Variants in RASL11A observed in about 807,000 individuals in gnomAD.
RASL11A encodes ras-like protein family member 11A.
In RASL11A, 14 loss-of-function variants were observed where a neutral mutation model predicts 17.1. The observed-to-expected ratio is 0.82, with a 90% CI of 0.54 to 1.28. The LOEUF (loss-of-function observed/expected upper bound fraction) is 1.28. Ranked by LOEUF, RASL11A falls within the 50% of genes most tolerant of loss-of-function variation. The pLI, the probability that RASL11A is intolerant of heterozygous loss-of-function variation, is 0.00. For synonymous variants in RASL11A, 146 were observed against 132.5 expected (o/e 1.10, Z -0.70); for missense variants, 283 against 312.3 (o/e 0.91, Z 0.71).
At position 27,274,774 on chromosome 13, in the gene RASL11A, C is replaced by A. The variant is rs997049185; in HGVS notation, c.*1280C>A. ...AAGGAGTCCCCCTCGAGGGCAGTAG[C>A]TGCATTTTATGATCCTGTCTTCCAA... On this transcript the variant is annotated 3_prime_UTR_variant, in exon 4 of 4. Coordinates refer to ENST00000241463, the MANE Select transcript of RASL11A (RefSeq NM_206827.2). 1.3e-5 allele frequency among the ~76,000 whole-genome samples: 2 copies of A among 152,200 alleles called. No homozygotes were observed. Among genetic ancestry groups the A allele is most frequent in the African/African-American group, 4.8e-5 (2 of 41,450 alleles).
rs41291670 is a variant in RASL11A at position 27,274,035 on chromosome 13, G to A, written c.*541G>A. Among the ~76,000 whole-genome samples the A allele has an allele frequency of 3.0e-3, 455 of 152,144 alleles. 2 individuals are homozygous for A. Among genetic ancestry groups the A allele is most frequent in the Non-Finnish European group, 5.2e-3 (355 of 67,996 alleles). ...AAGGGAAGGGGTACAATGCTAAAAC[G>A]TTACAAGCCATGAGTAACATTTATT... is the stretch of plus-strand genomic sequence containing the variant. On this transcript the variant is annotated 3_prime_UTR_variant, in exon 4 of 4. Transcript: ENST00000241463.
At chr13:27,272,524 C>G (rs886364501) in intron 3 of RASL11A, among the ~76,000 whole-genome samples, 2 of 152,162 alleles carry the variant, frequency 1.3e-5, no homozygotes, top group Non-Finnish European at 2.9e-5. Flanking sequence ...TAGAATGTAA[C>G]TTGTTTATTA....
Position 27,273,965 on chromosome 13 carries a change from A to ATGGGAC in RASL11A, c.*472_*477dup, listed in dbSNP as rs1882395790. Reference sequence around the variant, plus strand: ...TTTAATAACGGCAGGAGGTCTTTAAATGGGACACTGCCACCAGTCATGAAA... The same window carrying ATGGGAC: ...TTTAATAACGGCAGGAGGTCTTTAAATGGGACTGGGACACTGCCACCAGTCATGAAA... On this transcript the variant is annotated 3_prime_UTR_variant, in exon 4 of 4. Coordinates refer to ENST00000241463, the MANE Select transcript of RASL11A (RefSeq NM_206827.2). Among the ~76,000 whole-genome samples the ATGGGAC allele has an allele frequency of 6.6e-6, 1 of 152,050 alleles. No individual in the cohort carries two copies. The highest frequency in any genetic ancestry group is 2.1e-4 in the South Asian group (1 of 4,828).
At chr13:27,271,220 T>C in intron 1 of RASL11A, 152 bp downstream of exon 1, 2 of 1,450,142 alleles carry the variant, frequency 1.4e-6, no homozygotes, top group Non-Finnish European at 1.8e-6. Flanking sequence ...TCCCGGTCCG[T>C]CCCGGCCTGC....
rs753163681 is a variant in RASL11A, at chr13:27,273,096, C to T, written c.331C>T (p.Leu111=). 6.2e-7 allele frequency: 1 copy of T among 1,614,178 alleles called. No homozygotes were observed. The change falls in exon 4 of 4, where the codon CTG becomes TTG. Residue 111 remains leucine, a synonymous_variant. Coordinates refer to ENST00000241463, the MANE Select transcript of RASL11A (RefSeq NM_206827.2). The part of the protein sequence containing the change: ...KCVQWAEGFL[L]VYSITDYDSY... ...CGTGCAGTGGGCCGAGGGTTTTCTG[C>T]TGGTCTATTCCATCACAGACTATGA... is the stretch of plus-strand genomic sequence containing the variant.
At chr13:27,272,939 G>T in intron 3 of RASL11A, 88 bp from the exon 4 acceptor site, 1 of 1,027,012 alleles carries the variant, frequency 9.7e-7, no homozygotes, top group Non-Finnish European at 1.5e-6. Flanking sequence ...TTTTTCAAGT[G>T]TTTCTTCAAG....
At chr13:27,271,108 G>A in intron 1 of RASL11A, 40 bp downstream of exon 1, 1 of 1,536,642 alleles carries the variant, frequency 6.5e-7, no homozygotes, top group African/African-American at 1.4e-5. Flanking sequence ...TCGCTCCCCG[G>A]CTCCGGCCGC....
chr13:27,273,170 C>T lies in RASL11A; in HGVS notation c.405C>T (p.His135=). 3.7e-6 allele frequency: 6 copies of T among 1,614,222 alleles called. No individual in the cohort carries two copies. The highest frequency in any genetic ancestry group is 5.1e-6 in the Non-Finnish European group (6 of 1,180,048). Residue 135 remains histidine, a synonymous_variant, in exon 4 of 4, where the codon CAC becomes CAT. Transcript: ENST00000241463. ...TTTATCAGCACATCCGGAAGGTCCACCCTGACTCTAAAGCCCCTGTCATCA... is the reference window on the plus strand; with the variant it reads ...TTTATCAGCACATCCGGAAGGTCCATCCTGACTCTAAAGCCCCTGTCATCA... The part of the protein sequence containing the change: ...RPLYQHIRKV[H]PDSKAPVIIV...
At chr13:27,272,052 TAAAAC>T (rs540723786) in intron 3 of RASL11A, among the ~76,000 whole-genome samples, 34 of 152,130 alleles carry the variant, frequency 2.2e-4, no homozygotes, top group African/African-American at 7.0e-4. Flanking sequence ...AAAAAACGTT[TAAAAC>T]AAAACAAAAC....
chr13:27,271,049 C>CG lies in RASL11A; in HGVS notation c.107dup (p.Arg37ProfsTer21). 1.3e-6 allele frequency: 2 copies of CG among 1,577,968 alleles called. No individual in the cohort carries two copies. Among genetic ancestry groups the CG allele is most frequent in the Non-Finnish European group, 1.7e-6 (2 of 1,161,848 alleles). On this transcript the variant is annotated frameshift_variant, in exon 1 of 4. Coordinates refer to ENST00000241463, the MANE Select transcript of RASL11A (RefSeq NM_206827.2). LOFTEE classifies it high-confidence loss of function. ...ACATCAAACTGGCGGTGCTGGGCGC[C>CG]GGCCGCGTGGGCAAGAGCGGTGAGT...
In RASL11A at chr13:27,271,030, A is replaced by G; in HGVS notation, c.86A>G (p.Lys29Arg). Residue 29 changes from lysine (K) to arginine (R), a missense_variant, in exon 1 of 4, where the codon AAA (lysine) becomes AGA (arginine). Lys to Arg is a conservative substitution (Grantham distance 26, BLOSUM62 2). Coordinates refer to ENST00000241463, the MANE Select transcript of RASL11A (RefSeq NM_206827.2). ...SSDYLLPKDI[K>R]LAVLGAGRVG... Reference sequence around the variant, plus strand: ...GACTACCTACTGCCCAAGGACATCAAACTGGCGGTGCTGGGCGCCGGCCGC... The same window carrying G: ...GACTACCTACTGCCCAAGGACATCAGACTGGCGGTGCTGGGCGCCGGCCGC... 2 of 1,587,520 alleles carry G rather than the reference A, an allele frequency of 1.3e-6. No homozygotes were observed. The highest frequency in any genetic ancestry group is 1.7e-6 in the Non-Finnish European group (2 of 1,166,946).
At chr13:27,272,756 A>C (rs1346365097) in intron 3 of RASL11A, among the ~76,000 whole-genome samples, 1 of 152,214 alleles carries the variant, frequency 6.6e-6, no homozygotes, top group Admixed American at 6.5e-5. Flanking sequence ...TTCTTCAGTC[A>C]GCCATGGTTC....
chr13:27,272,161 C>T (rs1882312606), intron 3 of RASL11A, among the ~76,000 whole-genome samples: 1 of 152,244 alleles, frequency 6.6e-6, no homozygotes, highest in Admixed American at 6.5e-5. Flanking sequence ...CTTGCCCAGG[C>T]TGGAGTGCAG....
At position 27,273,226 on chromosome 13, in the gene RASL11A, C is replaced by T. The variant is rs1283352566; in HGVS notation, c.461C>T (p.Ala154Val). 3 of 1,614,252 alleles carry T rather than the reference C, an allele frequency of 1.9e-6. No individual in the cohort carries two copies. The highest frequency in any genetic ancestry group is 2.5e-6 in the Non-Finnish European group (3 of 1,180,050). Residue 154 changes from alanine (A) to valine (V), a missense_variant, in exon 4 of 4, where the codon GCC becomes GTC. Physicochemically the swap from Ala to Val is moderately conservative, Grantham distance 64. Coordinates refer to ENST00000241463, the MANE Select transcript of RASL11A (RefSeq NM_206827.2). ...GGCAACAAGGGGGACCTTTTGCATG[C>T]CCGGCAGGTGCAGACACAGGACGGT... ...IVGNKGDLLH[A>V]RQVQTQDGIQ...
chr13:27,273,674 T>A lies in RASL11A; in HGVS notation c.*180T>A. ...CTAGAAGCTGGATAAAATTTTGTTT[T>A]GTTTTATTAAAAGAACTTTTTTTTT... is the stretch of plus-strand genomic sequence containing the variant. On this transcript the variant is annotated 3_prime_UTR_variant, in exon 4 of 4. Coordinates refer to ENST00000241463, the MANE Select transcript of RASL11A (RefSeq NM_206827.2). 2.2e-6 allele frequency: 1 copy of A among 451,168 alleles called. No homozygotes were observed. The highest frequency in any genetic ancestry group is 3.3e-5 in the East Asian group (1 of 29,988). The allele number at this position is 451,168 out of a possible 1,614,324, so 27.9% of individuals were successfully genotyped here. A position where few individuals can be genotyped will look rare whatever the true frequency, so the allele number is the denominator to read the frequency against.
At chr13:27,271,824 C>G (rs934761594) in intron 3 of RASL11A, 106 bp downstream of exon 3, 20 of 850,932 alleles carry the variant, frequency 2.4e-5, no homozygotes, top group Non-Finnish European at 3.7e-5. Context: ...AGCAAGGCAT[C>G]TAAACCGACC....
At position 27,273,153 on chromosome 13, in the gene RASL11A, C is replaced by A. The variant is rs1882350068; in HGVS notation, c.388C>A (p.His130Asn). Residue 130 changes from histidine to asparagine, a missense_variant, in exon 4 of 4, where the codon CAC becomes AAC. Transcript: ENST00000241463. ...SYLSIRPLYQHIRKVHPDSKA... is the reference protein window; with the variant it reads ...SYLSIRPLYQNIRKVHPDSKA... ...CTTGTCCATCCGACCCCTTTATCAGCACATCCGGAAGGTCCACCCTGACTC... is the reference window on the plus strand; with the variant it reads ...CTTGTCCATCCGACCCCTTTATCAGAACATCCGGAAGGTCCACCCTGACTC... The A allele has an allele frequency of 6.2e-7, 1 of 1,614,248 alleles. No homozygotes were observed. Among genetic ancestry groups the A allele is most frequent in the Non-Finnish European group, 8.5e-7 (1 of 1,180,052 alleles).
Position 27,271,470 on chromosome 13 carries a change from T to C in RASL11A, c.125-14T>C. 1 of 1,614,200 alleles carries C rather than the reference T, an allele frequency of 6.2e-7. No homozygotes were observed. Among genetic ancestry groups the C allele is most frequent in the South Asian group, 1.1e-5 (1 of 91,090 alleles). ...GTTCTACTCCTTCGGTTGATTTTCC[T>C]ATTTCCTTTTCAGCAATGATCGTGC... On this transcript the variant is annotated splice_polypyrimidine_tract_variant and intron_variant, in intron 1 of 3. Transcript: ENST00000241463.
At position 27,273,351 on chromosome 13, in the gene RASL11A, G is replaced by A; in HGVS notation, c.586G>A (p.Val196Met). ...TGTGTTTCAGCATCTCTGCAAAGAA[G>A]TGAGCAAGATGCACGGCCTCAGTGG... Reference protein sequence around the residue: ...CDVFQHLCKEVSKMHGLSGER... With the variant: ...CDVFQHLCKEMSKMHGLSGER... Residue 196 changes from valine to methionine, a missense_variant, in exon 4 of 4, where the codon GTG becomes ATG. By Grantham distance (21) the Val-to-Met change is conservative. Coordinates refer to ENST00000241463, the MANE Select transcript of RASL11A (RefSeq NM_206827.2). 2.5e-6 allele frequency: 4 copies of A among 1,614,212 alleles called. No individual in the cohort carries two copies. The highest frequency in any genetic ancestry group is 3.4e-6 in the Non-Finnish European group (4 of 1,180,034).
Sources: allele counts gnomAD v4.1 joint callset (sites outside exome capture counted in the v4.1 genomes callset), GRCh38; gene constraint gnomAD v4.1.1; transcripts MANE v1.5; gene names NCBI Gene and HGNC (gene_info 2026-07-23, HGNC 2026-07-21).